CTNND1: variants seen among roughly 807,000 people sequenced by gnomAD.
CTNND1 encodes the protein catenin delta 1.
Under a neutral mutation model 112.1 loss-of-function variants are expected in CTNND1, and 16 were observed. The observed-to-expected ratio is 0.14, with a 90% CI of 0.10 to 0.22. The LOEUF (loss-of-function observed/expected upper bound fraction) is 0.22. Among genes scored for constraint, CTNND1 ranks in the 10% least tolerant of loss-of-function variants. CTNND1 has a pLI of 1.00. For missense variants in CTNND1, 1,008 were observed against 1,257.0 expected, an observed-to-expected ratio of 0.80 and a Z score of 3.00; for synonymous variants, 420 against 446.5, an observed-to-expected ratio of 0.94 and a Z score of 0.75.
chr11:57,810,706 A>T (rs955993834), intron 16 of CTNND1, among the ~76,000 whole-genome samples: 32 of 151,882 alleles, frequency 2.1e-4, no homozygotes, highest in African/African-American at 7.7e-4. Context: ...TGTAATTCCA[A>T]CACTTTGGGA....
intron 6 of CTNND1, among the ~76,000 whole-genome samples, chr11:57,800,775 G>C (rs553593545): frequency 6.6e-6 from 1 of 152,212 alleles, no homozygotes; most frequent in East Asian, 1.9e-4. Flanking sequence ...ATCCTCTCCT[G>C]TGGGAGCCAG....
intron 1 of CTNND1, among the ~76,000 whole-genome samples, chr11:57,764,682 A>G (rs779250957): frequency 6.6e-6 from 1 of 152,154 alleles, no homozygotes; most frequent in Non-Finnish European, 1.5e-5. Flanking sequence ...CCCTCAGAGA[A>G]GCTGAGGTTT....
chr11:57,784,884 A>G (rs1350946064), intron 1 of CTNND1, among the ~76,000 whole-genome samples: 1 of 152,196 alleles, frequency 6.6e-6, no homozygotes, highest in Non-Finnish European at 1.5e-5. Context: ...TCTGAAGACA[A>G]AATTATTTTT....
chr11:57,807,512 A>G (rs1333429063), intron 12 of CTNND1, among the ~76,000 whole-genome samples: 2 of 146,486 alleles, frequency 1.4e-5, no homozygotes, highest in African/African-American at 5.0e-5. Context: ...AGGCTGAGGC[A>G]GGAGAATTGC....
Position 57,818,165 on chromosome 11 carries a change from T to A in CTNND1, c.*1857T>A, listed in dbSNP as rs1449210845. The stretch of plus-strand genomic sequence containing the variant: ...TCCAGACCTGGCTCCACTCTTGATC[T>A]CTCTTGTCCTCTTCTGCTCTTTTCC... On this transcript the variant is annotated 3_prime_UTR_variant, in exon 21 of 21. Coordinates refer to ENST00000399050, the MANE Select transcript of CTNND1 (RefSeq NM_001085458.2). The A allele has an allele frequency of 6.6e-6, 1 of 152,158 alleles. No homozygotes were observed. Among genetic ancestry groups the A allele is most frequent in the Non-Finnish European group, 1.5e-5 (1 of 68,010 alleles). 9.4% of individuals were successfully genotyped at this position (152,158 alleles called of 1,614,324 possible).
chr11:57,805,551 T>C (rs7396292), intron 9 of CTNND1, among the ~76,000 whole-genome samples: 2 of 2,768 alleles, frequency 7.2e-4, no homozygotes, highest in Admixed American at 0.023. Context: ...CTTTTTTTTC[T>C]TTTTTTTTTA....
intron 1 of CTNND1, among the ~76,000 whole-genome samples, chr11:57,767,270 T>C (rs1951352295): frequency 6.6e-6 from 1 of 152,128 alleles, no homozygotes. Flanking sequence ...CAGAATTTTA[T>C]CTTAAAGCCT....
chr11:57,812,916 G>A (rs773765696), intron 17 of CTNND1, among the ~76,000 whole-genome samples: 30 of 152,200 alleles, frequency 2.0e-4, no homozygotes, highest in African/African-American at 2.4e-4. Context: ...AAACGAATGC[G>A]ATAAGCTTGT....
chr11:57,812,472 A>G (rs921854733), intron 17 of CTNND1, among the ~76,000 whole-genome samples: 15 of 152,132 alleles, frequency 9.9e-5, no homozygotes, highest in African/African-American at 1.4e-4. Flanking sequence ...GTGAGCCGAG[A>G]TTGCACCACT....
Position 57,819,293 on chromosome 11 carries a change from T to C in CTNND1, c.*2985T>C, listed in dbSNP as rs770431673. 1.1e-4 allele frequency: 17 copies of C among 152,330 alleles called. No individual in the cohort carries two copies. Among genetic ancestry groups the C allele is most frequent in the Non-Finnish European group, 2.1e-4 (14 of 68,028 alleles). 9.4% of individuals were successfully genotyped at this position (152,330 alleles called of 1,614,324 possible). A position where few individuals can be genotyped will look rare whatever the true frequency, so the allele number is the denominator to read the frequency against. On this transcript the variant is annotated 3_prime_UTR_variant, in exon 21 of 21. Coordinates refer to ENST00000399050, the MANE Select transcript of CTNND1 (RefSeq NM_001085458.2). ...AAGCTTGATTTGTGTCTAACAATTG[T>C]AGTGTTAGATTAGAGGTTGAAGTAC...
chr11:57,780,479 G>A (rs983683693), intron 1 of CTNND1, among the ~76,000 whole-genome samples: 10 of 152,126 alleles, frequency 6.6e-5, no homozygotes, highest in African/African-American at 2.2e-4. Flanking sequence ...ATGAGCTTGG[G>A]CAAGATACTA....
chr11:57,766,970 T>G (rs532858387), intron 1 of CTNND1, among the ~76,000 whole-genome samples: 1 of 151,782 alleles, frequency 6.6e-6, no homozygotes, highest in East Asian at 1.9e-4. Context: ...AAGAATTTTC[T>G]TATCTTTTTT....
At chr11:57,775,759 T>G (rs1246604527) in intron 1 of CTNND1, among the ~76,000 whole-genome samples, 1 of 152,144 alleles carries the variant, frequency 6.6e-6, no homozygotes, top group African/African-American at 2.4e-5. Flanking sequence ...GGGCTGGTTA[T>G]GTTAGTAATC....
At chr11:57,792,415 CTG>C (rs1033253845) in intron 3 of CTNND1, among the ~76,000 whole-genome samples, 1 of 152,098 alleles carries the variant, frequency 6.6e-6, no homozygotes. Flanking sequence ...CTGTCTTCCT[CTG>C]TGTGTGTGTG....
chr11:57,789,711 T>A (rs973262392), intron 2 of CTNND1, among the ~76,000 whole-genome samples: 1 of 151,768 alleles, frequency 6.6e-6, no homozygotes, highest in African/African-American at 2.4e-5. Context: ...TTCAAGAAAG[T>A]TTACAAATTT....
intron 1 of CTNND1, among the ~76,000 whole-genome samples, chr11:57,780,735 C>T (rs534648879): frequency 6.6e-6 from 1 of 152,298 alleles, no homozygotes; most frequent in South Asian, 2.1e-4. Flanking sequence ...CTCTGTCTCC[C>T]TGTTGCTTAT....
intron 6 of CTNND1, 77 bp downstream of exon 6, chr11:57,797,069 G>A: frequency 7.8e-7 from 1 of 1,281,606 alleles, no homozygotes; most frequent in Admixed American, 2.9e-5. Context: ...CAACTTCTAG[G>A]GGCTTTTTGG....
intron 1 of CTNND1, among the ~76,000 whole-genome samples, chr11:57,777,980 C>G (rs560267134): frequency 3.4e-4 from 52 of 152,192 alleles, no homozygotes; most frequent in Middle Eastern, 6.8e-3. Flanking sequence ...AGTGGAGGAC[C>G]TTTATTAGGA....
chr11:57,788,989 T>C lies in CTNND1; in HGVS notation c.-213-48T>C, dbSNP rs1045551263. Reference sequence around the variant, plus strand: ...TCTTCTTGTTTTTATGTATTGGGTATATTTTATTTTCCTCTCATTCCCATT... The same window carrying C: ...TCTTCTTGTTTTTATGTATTGGGTACATTTTATTTTCCTCTCATTCCCATT... On this transcript the variant is annotated intron_variant, in intron 1 of 20. Coordinates refer to ENST00000399050, the MANE Select transcript of CTNND1 (RefSeq NM_001085458.2). The surrounding 1 kb of genome is among the most constrained non-coding windows in gnomAD (Gnocchi z 4.1). The C allele has an allele frequency of 2.4e-6, 3 of 1,237,354 alleles. No individual in the cohort carries two copies. The highest frequency in any genetic ancestry group is 3.4e-6 in the Non-Finnish European group (3 of 874,684). 76.6% of individuals were successfully genotyped at this position (1,237,354 alleles called of 1,614,324 possible). A position where few individuals can be genotyped will look rare whatever the true frequency, so the allele number is the denominator to read the frequency against.
Sources: allele counts gnomAD v4.1 joint callset (sites outside exome capture counted in the v4.1 genomes callset), GRCh38; gene constraint gnomAD v4.1.1; non-coding constraint Gnocchi (gnomAD v3.1); transcripts MANE v1.5; gene names NCBI Gene and HGNC (gene_info 2026-07-23, HGNC 2026-07-21).